Variants in PCDHAC2 observed in about 807,000 individuals in gnomAD.
The protein encoded by PCDHAC2 is protocadherin alpha-C2.
In PCDHAC2, 24 loss-of-function variants were observed where a neutral mutation model predicts 63.3. The observed-to-expected ratio is 0.38, with a 90% CI of 0.27 to 0.53. The LOEUF is 0.53. PCDHAC2 is among the 20% of genes least tolerant of loss of function. PCDHAC2 has a pLI of 0.81. For synonymous variants in PCDHAC2, 569 were observed against 529.4 expected (o/e 1.07, Z -1.03); for missense variants, 1,181 against 1,275.2 (o/e 0.93, Z 1.12).
chr5:140,982,420 G>A, intron 2 of PCDHAC2, 55 bp from the exon 3 acceptor site: 1 of 1,611,062 alleles, frequency 6.2e-7, no homozygotes, highest in Non-Finnish European at 8.5e-7. Context: ...GGTGGAAGAA[G>A]AGATGGGAAA....
chr5:140,997,124 C>T (rs933067358), intron 3 of PCDHAC2, among the ~76,000 whole-genome samples: 2 of 152,074 alleles, frequency 1.3e-5, no homozygotes, highest in Non-Finnish European at 2.9e-5. Context: ...CCCACATACA[C>T]AATGCCCCCA....
At chr5:141,006,579 T>C (rs1208750821) in intron 3 of PCDHAC2, among the ~76,000 whole-genome samples, 1 of 151,702 alleles carries the variant, frequency 6.6e-6, no homozygotes, top group Non-Finnish European at 1.5e-5. Context: ...GTGTGGAGGG[T>C]TGGAGAGAAG....
Position 140,969,148 on chromosome 5 carries a change from G to A in PCDHAC2, c.2382G>A (p.Lys794=). 1.2e-6 allele frequency: 2 copies of A among 1,614,102 alleles called. No individual in the cohort carries two copies. The highest frequency in any genetic ancestry group is 8.5e-7 in the Non-Finnish European group (1 of 1,180,018). The change falls in exon 1 of 4, where the codon AAG becomes AAA. Residue 794 remains lysine, a synonymous_variant. Transcript: ENST00000289269. ...CCCTCACCAAGACCTACTGCTACAA[G>A]GCCTGTCTGACAGCAGGCTCAGGGA... ...NGSLTKTYCY[K]ACLTAGSGSD...
chr5:140,969,040 A>G lies in PCDHAC2; in HGVS notation c.2274A>G (p.Lys758=), dbSNP rs1554231380. 1 of 1,614,150 alleles carries G rather than the reference A, an allele frequency of 6.2e-7. No individual in the cohort carries two copies. The change falls in exon 1 of 4, where the codon AAA becomes AAG. Residue 758 remains lysine (K), a synonymous_variant. Coordinates refer to ENST00000289269, the MANE Select transcript of PCDHAC2 (RefSeq NM_018899.6). Reference sequence around the variant, plus strand: ...AAAGGTCCCCTGCAGAACTGTACAAACAAGCCAACAACAATATTGATGCCA... The same window carrying G: ...AAAGGTCCCCTGCAGAACTGTACAAGCAAGCCAACAACAATATTGATGCCA... ...VRERSPAELY[K]QANNNIDARI...
chr5:140,968,253 C>T lies in PCDHAC2; in HGVS notation c.1487C>T (p.Pro496Leu). ...CTCTGTACTGTGCAAGCCACAGACC[C>T]AGATGAAAAGGAGAATGCAGAGGTG... ...VLLCTVQATD[P>L]DEKENAEVTY... The change falls in exon 1 of 4, where the codon CCA becomes CTA. Residue 496 changes from proline (P) to leucine (L), a missense_variant. This residue lies in a region of PCDHAC2 where 968 missense variants were observed against 1,073.5 expected (regional missense o/e 0.90). Coordinates refer to ENST00000289269, the MANE Select transcript of PCDHAC2 (RefSeq NM_018899.6). 1 of 1,614,026 alleles carries T rather than the reference C, an allele frequency of 6.2e-7. No individual in the cohort carries two copies. Among genetic ancestry groups the T allele is most frequent in the Non-Finnish European group, 8.5e-7 (1 of 1,179,966 alleles).
chr5:140,967,130 G>A lies in PCDHAC2; in HGVS notation c.364G>A (p.Glu122Lys), dbSNP rs1554229204. The A allele has an allele frequency of 6.2e-7, 1 of 1,612,184 alleles. No individual in the cohort carries two copies. Among genetic ancestry groups the A allele is most frequent in the East Asian group, 2.2e-5 (1 of 44,800 alleles). Residue 122 changes from glutamate to lysine, a missense_variant, in exon 1 of 4, where the codon GAA becomes AAA. Glu to Lys is a moderately conservative substitution (Grantham distance 56, BLOSUM62 1). Around this residue, in one of 3 missense-constraint regions of PCDHAC2, gnomAD observed 210 missense variants for 184.9 expected, o/e 1.14. Transcript: ENST00000289269. The part of the protein sequence containing the change: ...EQRPRCLLSL[E>K]VLAHNPVAVS... ...GCGGCCTCGCTGCCTGCTCAGCTTGGAAGTGCTGGCGCACAACCCCGTGGC... is the reference window on the plus strand; with the variant it reads ...GCGGCCTCGCTGCCTGCTCAGCTTGAAAGTGCTGGCGCACAACCCCGTGGC...
rs2098417406 is a variant in PCDHAC2, at chr5:141,010,474, G to A, written c.*537G>A. Reference sequence around the variant, plus strand: ...CGGAAGTTATCAGTATGGAGGGGAAGTGTAAACTTAAAGGGACCAGACTTT... The same window carrying A: ...CGGAAGTTATCAGTATGGAGGGGAAATGTAAACTTAAAGGGACCAGACTTT... On this transcript the variant is annotated 3_prime_UTR_variant, in exon 4 of 4. Transcript: ENST00000289269. The A allele has an allele frequency of 3.9e-6, 3 of 760,382 alleles. No individual in the cohort carries two copies. The highest frequency in any genetic ancestry group is 3.2e-5 in the Admixed American group (1 of 31,594). The allele number at this position is 760,382 out of a possible 1,614,324, so 47.1% of individuals were successfully genotyped here.
At chr5:140,983,228 A>T (rs1012242202) in intron 3 of PCDHAC2, among the ~76,000 whole-genome samples, 4 of 152,240 alleles carry the variant, frequency 2.6e-5, no homozygotes, top group Non-Finnish European at 4.4e-5. Context: ...CCAAACTTTC[A>T]GGAAAGAGAA....
At chr5:141,001,030 G>A (rs1356604139) in intron 3 of PCDHAC2, among the ~76,000 whole-genome samples, 1 of 151,894 alleles carries the variant, frequency 6.6e-6, no homozygotes, top group Non-Finnish European at 1.5e-5. Context: ...TATAATAATA[G>A]CTTTAATTAA....
chr5:140,987,805 C>T (rs2097269328), intron 3 of PCDHAC2, among the ~76,000 whole-genome samples: 3 of 152,140 alleles, frequency 2.0e-5, no homozygotes. Flanking sequence ...TTTAAAGTGC[C>T]TGTCTCTTTG....
chr5:140,978,233 AT>A (rs1360475808), intron 1 of PCDHAC2, among the ~76,000 whole-genome samples: 2 of 152,196 alleles, frequency 1.3e-5, no homozygotes, highest in African/African-American at 4.8e-5. Context: ...TTTTTCTTGG[AT>A]TTCAGCTACT....
At chr5:140,977,911 A>T (rs2096780139) in intron 1 of PCDHAC2, among the ~76,000 whole-genome samples, 1 of 152,002 alleles carries the variant, frequency 6.6e-6, no homozygotes, top group Non-Finnish European at 1.5e-5. Flanking sequence ...TTTATCCCCC[A>T]TTTTTTTCAT....
intron 3 of PCDHAC2, among the ~76,000 whole-genome samples, chr5:141,000,771 G>A (rs1318485268): frequency 2.0e-5 from 3 of 151,790 alleles, no homozygotes; most frequent in Non-Finnish European, 4.4e-5. Context: ...GCCAGGCATA[G>A]TGGCGCACAC....
chr5:140,970,423 G>A (rs2096404787), intron 1 of PCDHAC2, among the ~76,000 whole-genome samples: 1 of 151,762 alleles, frequency 6.6e-6, no homozygotes, highest in Admixed American at 6.6e-5. Context: ...AAGGTGTAGA[G>A]GCAGGTGTTA....
rs782084659 is a variant in PCDHAC2 at position 140,969,231 on chromosome 5, C to A, written c.2465C>A (p.Ala822Asp). ...CAGACAGGACCAGGGCCTTCGGGAG[C>A]CCAAGCAGCAGTGACTGACAGCAGG... ...GAQTGPGPSG[A>D]QAAVTDSRNL... The change falls in exon 1 of 4, where the codon GCC becomes GAC. Residue 822 changes from alanine (A) to aspartate (D), a missense_variant. Physicochemically the swap from Ala to Asp is moderately radical, Grantham distance 126. Transcript: ENST00000289269. The A allele has an allele frequency of 6.2e-7, 1 of 1,614,110 alleles. No individual in the cohort carries two copies. Among genetic ancestry groups the A allele is most frequent in the Non-Finnish European group, 8.5e-7 (1 of 1,180,034 alleles).
chr5:140,989,237 A>C (rs2097333860), intron 3 of PCDHAC2, among the ~76,000 whole-genome samples: 1 of 152,172 alleles, frequency 6.6e-6, no homozygotes, highest in African/African-American at 2.4e-5. Flanking sequence ...CTGAAGTTTT[A>C]AGCCCCTTGT....
rs895173088 is a variant in PCDHAC2 at position 140,968,411 on chromosome 5, G to C, written c.1645G>C (p.Val549Leu). ...GAAGTTTCGGGAGTTCTTTGTGACT[G>C]TGGAGGCTCAGGACAAGGGGAGCCC... ...YEKFREFFVT[V>L]EAQDKGSPPL... The change falls in exon 1 of 4, where the codon GTG becomes CTG. Residue 549 changes from valine (V) to leucine (L), a missense_variant. Coordinates refer to ENST00000289269, the MANE Select transcript of PCDHAC2 (RefSeq NM_018899.6). 1.9e-6 allele frequency: 3 copies of C among 1,614,012 alleles called. No individual in the cohort carries two copies. The highest frequency in any genetic ancestry group is 1.1e-5 in the South Asian group (1 of 91,080).
intron 3 of PCDHAC2, among the ~76,000 whole-genome samples, chr5:140,993,754 A>T (rs1253767297): frequency 6.6e-6 from 1 of 152,170 alleles, no homozygotes; most frequent in African/African-American, 2.4e-5. Context: ...ACTTGCCATT[A>T]TATTACAATT....
chr5:140,966,845 C>A lies in PCDHAC2; in HGVS notation c.79C>A (p.Pro27Thr). 6.4e-7 allele frequency: 1 copy of A among 1,570,444 alleles called. No individual in the cohort carries two copies. The highest frequency in any genetic ancestry group is 8.6e-7 in the Non-Finnish European group (1 of 1,162,066). Reference protein sequence around the residue: ...RRPMPWLLLLPLLLLLLLLLP... With the variant: ...RRPMPWLLLLTLLLLLLLLLP... ...GCCCATGCCCTGGCTGCTGCTACTG[C>A]CTCTCCTGCTGCTGTTGCTGCTGCT... The change falls in exon 1 of 4, where the codon CCT (proline) becomes ACT (threonine). Residue 27 changes from proline (P) to threonine (T), a missense_variant. Coordinates refer to ENST00000289269, the MANE Select transcript of PCDHAC2 (RefSeq NM_018899.6).
Sources: gnomAD v4.1 joint callset for allele counts (sites outside exome capture counted in the v4.1 genomes callset) on GRCh38, gnomAD v4.1.1 for gene constraint, gnomAD v4.1.1 regional missense constraint, MANE v1.5 for transcripts, NCBI Gene and HGNC (gene_info 2026-07-23, HGNC 2026-07-21) for gene names.